Variants in CECR2 observed in about 807,000 individuals in gnomAD.
The protein encoded by CECR2 is CECR2 histone acetyl-lysine reader, also known as chromatin remodeling regulator CECR2.
CECR2 carries 30 observed loss-of-function variants against 154.5 expected under a neutral mutation model. That is an observed-to-expected ratio of 0.19 (90% CI 0.15 to 0.26). The LOEUF (loss-of-function observed/expected upper bound fraction) is 0.26. Among genes scored for constraint, CECR2 ranks in the 10% least tolerant of loss-of-function variants. CECR2 has a pLI of 1.00. For missense variants in CECR2, 1,743 were observed against 1,829.3 expected, an observed-to-expected ratio of 0.95 and a Z score of 0.86; for synonymous variants, 725 against 683.7, an observed-to-expected ratio of 1.06 and a Z score of -0.94.
At chr22:17,491,154 A>T (rs1300716589) in intron 2 of CECR2, among the ~76,000 whole-genome samples, 6 of 152,150 alleles carry the variant, frequency 3.9e-5, no homozygotes, top group Non-Finnish European at 8.8e-5. Flanking sequence ...TTTGGCTGTT[A>T]GGAATTCTGC....
At chr22:17,481,431 A>C (rs1412398270) in intron 2 of CECR2, among the ~76,000 whole-genome samples, 4 of 152,090 alleles carry the variant, frequency 2.6e-5, no homozygotes, top group African/African-American at 9.7e-5. Context: ...TATTCAGTAA[A>C]GTTATTATGA....
chr22:17,479,770 T>C lies in CECR2; in HGVS notation c.221+2088T>C, dbSNP rs1031858255. ...ATCCCTACAATGTGGTCTTTCTTTT[T>C]TTTTTTTTTTTTTTTGGGACAGGGT... On this transcript the variant is annotated intron_variant, in intron 2 of 18. Coordinates refer to ENST00000262608, the MANE Select transcript of CECR2 (RefSeq NM_001290047.2). Among the ~76,000 whole-genome samples the C allele has an allele frequency of 2.4e-3, 365 of 149,900 alleles. 4 individuals are homozygous for C. The highest frequency in any genetic ancestry group is 6.1e-4 in the Non-Finnish European group (41 of 67,476).
chr22:17,361,024 A>T (rs550405090), intron 1 of CECR2, among the ~76,000 whole-genome samples: 1 of 152,172 alleles, frequency 6.6e-6, no homozygotes, highest in East Asian at 1.9e-4. Flanking sequence ...TTAGCCAGGC[A>T]TCGTGGTGTG....
intron 8 of CECR2, among the ~76,000 whole-genome samples, chr22:17,516,599 GTGTTT>G (rs538784298): frequency 3.2e-4 from 49 of 151,890 alleles, no homozygotes; most frequent in South Asian, 1.0e-3. Flanking sequence ...GATCTGGCTG[GTGTTT>G]TGTTTTGTTT....
intron 1 of CECR2, among the ~76,000 whole-genome samples, chr22:17,390,070 A>G (rs142362219): frequency 9.9e-4 from 150 of 152,258 alleles, no homozygotes; most frequent in Non-Finnish European, 1.7e-3. Context: ...TGAATTTTAA[A>G]TATATTATTA....
intron 7 of CECR2, among the ~76,000 whole-genome samples, chr22:17,506,562 T>C (rs764487337): frequency 6.6e-6 from 1 of 152,266 alleles, no homozygotes; most frequent in East Asian, 1.9e-4. Flanking sequence ...TTTTATATCT[T>C]TGTGAGTTCA....
chr22:17,361,760 A>AG (rs1051345810), intron 1 of CECR2, among the ~76,000 whole-genome samples: 6 of 151,642 alleles, frequency 4.0e-5, no homozygotes, highest in Admixed American at 6.6e-5. Flanking sequence ...AAAAAAAAAA[A>AG]AGAGAGAGAG....
chr22:17,415,056 G>C (rs2054136149), intron 1 of CECR2, among the ~76,000 whole-genome samples: 1 of 152,152 alleles, frequency 6.6e-6, no homozygotes, highest in Non-Finnish European at 1.5e-5. Context: ...TAAGATGAAT[G>C]GTTAATTCAC....
At chr22:17,552,461 G>C (rs891233434) in intron 18 of CECR2, among the ~76,000 whole-genome samples, 1 of 152,072 alleles carries the variant, frequency 6.6e-6, no homozygotes, top group Non-Finnish European at 1.5e-5. Flanking sequence ...TTTCTCATTG[G>C]AGAGAGACTA....
intron 1 of CECR2, among the ~76,000 whole-genome samples, chr22:17,391,221 T>C (rs1300716936): frequency 1.3e-5 from 2 of 152,232 alleles, no homozygotes; most frequent in Non-Finnish European, 2.9e-5. Flanking sequence ...CACTGAAATA[T>C]CCTCAGTTGT....
At chr22:17,498,247 C>T (rs1055554292) in intron 3 of CECR2, among the ~76,000 whole-genome samples, 2 of 152,030 alleles carry the variant, frequency 1.3e-5, no homozygotes, top group African/African-American at 2.4e-5. Context: ...AAAAATTAGC[C>T]GGGCGTGGTG....
At chr22:17,552,290 A>G in intron 18 of CECR2, 148 bp downstream of exon 18, 1 of 679,998 alleles carries the variant, frequency 1.5e-6, no homozygotes, top group South Asian at 1.9e-5. Context: ...GGCACTTGGA[A>G]AAAGAGCAAG....
chr22:17,487,870 G>GTATTTATTTATT (rs112338023), intron 2 of CECR2, among the ~76,000 whole-genome samples: 125 of 150,786 alleles, frequency 8.3e-4, no homozygotes, highest in African/African-American at 2.6e-3. Flanking sequence ...AATTTTTCAT[G>GTATTTATTTATT]TATTTATTTA....
chr22:17,363,322 C>G (rs1194406435), intron 1 of CECR2, among the ~76,000 whole-genome samples: 1 of 151,982 alleles, frequency 6.6e-6, no homozygotes, highest in Non-Finnish European at 1.5e-5. Context: ...AATTCTGCCT[C>G]AGCCTCCTGA....
intron 1 of CECR2, among the ~76,000 whole-genome samples, chr22:17,363,975 C>T (rs1215866687): frequency 6.6e-6 from 1 of 152,018 alleles, no homozygotes; most frequent in Non-Finnish European, 1.5e-5. Context: ...GTATAGCCCT[C>T]TTTGGGAATA....
chr22:17,410,838 C>T (rs2054057990), intron 1 of CECR2, among the ~76,000 whole-genome samples: 1 of 152,138 alleles, frequency 6.6e-6, no homozygotes, highest in South Asian at 2.1e-4. Context: ...ATTCTAGAAG[C>T]CCACATTTGT....
At chr22:17,545,188 A>G (rs1038220076) in intron 16 of CECR2, among the ~76,000 whole-genome samples, 3 of 151,856 alleles carry the variant, frequency 2.0e-5, no homozygotes, top group African/African-American at 7.3e-5. Context: ...CAGCCTGGCC[A>G]ACATGGTGAA....
At chr22:17,480,419 TACACACACACAC>T (rs55977287) in intron 2 of CECR2, among the ~76,000 whole-genome samples, 45 of 137,428 alleles carry the variant, frequency 3.3e-4, no homozygotes, top group South Asian at 1.5e-3. Context: ...TCATGTATAA[TACACACACACAC>T]ACACACACAC....
Position 17,553,105 on chromosome 22 carries a change from A to G in CECR2, c.*265A>G. The G allele has an allele frequency of 1.6e-6, 1 of 609,460 alleles. No individual in the cohort carries two copies. Among genetic ancestry groups the G allele is most frequent in the Non-Finnish European group, 2.4e-6 (1 of 425,118 alleles). The allele number at this position is 609,460 out of a possible 1,614,324, so 37.8% of individuals were successfully genotyped here. A position where few individuals can be genotyped will look rare whatever the true frequency, so the allele number is the denominator to read the frequency against. Reference sequence around the variant, plus strand: ...AGTCAGGCAAAACTAATGAACGTGGAGTTAATGATGACTTTTCCAAATCCT... The same window carrying G: ...AGTCAGGCAAAACTAATGAACGTGGGGTTAATGATGACTTTTCCAAATCCT... On this transcript the variant is annotated 3_prime_UTR_variant, in exon 19 of 19. Coordinates refer to ENST00000262608, the MANE Select transcript of CECR2 (RefSeq NM_001290047.2).
Sources: gnomAD v4.1 joint callset for allele counts (sites outside exome capture counted in the v4.1 genomes callset) on GRCh38, gnomAD v4.1.1 for gene constraint, MANE v1.5 for transcripts, NCBI Gene and HGNC (gene_info 2026-07-23, HGNC 2026-07-21) for gene names.